The following GSE1 variants were observed in gnomAD, a reference collection of about 807,000 sequenced individuals.
GSE1 encodes the protein Gse1 coiled-coil protein.
A neutral mutation model predicts 112.6 loss-of-function variants in GSE1; 32 were observed. The ratio of observed to expected loss-of-function variants is 0.28; its 90% CI spans 0.21 to 0.38. The LOEUF (loss-of-function observed/expected upper bound fraction) is 0.38. Ranked by LOEUF, GSE1 falls within the 10% of genes least tolerant of loss-of-function variation. GSE1 has a pLI of 1.00. For synonymous variants in GSE1, 1,115 were observed against 735.6 expected, an observed-to-expected ratio of 1.52 and a Z score of -8.35; for missense variants, 2,348 against 1,699.2, an observed-to-expected ratio of 1.38 and a Z score of -6.71.
chr16:85,270,014 A>G (rs992113813), intron 1 of GSE1, among the ~76,000 whole-genome samples: 2 of 149,362 alleles, frequency 1.3e-5, no homozygotes, highest in Non-Finnish European at 3.0e-5. Flanking sequence ...CTGAGGCCAC[A>G]CTGTTGGTAG....
chr16:85,542,710 G>C (rs921130334), intron 2 of GSE1, among the ~76,000 whole-genome samples: 1 of 152,234 alleles, frequency 6.6e-6, no homozygotes, highest in Non-Finnish European at 1.5e-5. Context: ...TGGTCGTGAA[G>C]CCCGGGGGAC....
At chr16:85,541,428 G>A (rs1297458111) in intron 2 of GSE1, among the ~76,000 whole-genome samples, 1 of 152,252 alleles carries the variant, frequency 6.6e-6, no homozygotes, top group Admixed American at 6.5e-5. Flanking sequence ...AGGCCTCACT[G>A]TCCTGACCGT....
chr16:85,552,517 A>G (rs552310180), upstream of GSE1, among the ~76,000 whole-genome samples: 1 of 128,686 alleles, frequency 7.8e-6, no homozygotes, highest in African/African-American at 2.6e-5. Context: ...TGTTTTTAGT[A>G]GAGACAGAGT....
chr16:85,613,124 G>T (rs2048103340), upstream of GSE1: 27 of 1,078,870 alleles, frequency 2.5e-5, no homozygotes, highest in Admixed American at 4.2e-5. Context: ...CTGTGTGTTT[G>T]CGGCTGAAAC....
chr16:85,619,156 A>G (rs547421250), intron 1 of GSE1, among the ~76,000 whole-genome samples: 5 of 152,270 alleles, frequency 3.3e-5, no homozygotes, highest in South Asian at 4.1e-4. Context: ...AGGAGCCTCA[A>G]CGTCCCCTCG....
chr16:85,379,902 C>T (rs1238605727), intron 2 of GSE1, among the ~76,000 whole-genome samples: 2 of 152,222 alleles, frequency 1.3e-5, no homozygotes, highest in African/African-American at 2.4e-5. Context: ...CATTAGCTGG[C>T]CCCTTGGCCT....
At chr16:85,656,013 G>C in intron 6 of GSE1, 96 bp downstream of exon 6, 1 of 950,460 alleles carries the variant, frequency 1.1e-6, no homozygotes, top group Non-Finnish European at 1.6e-6. Flanking sequence ...TGGACTCCTT[G>C]GCCATGCCTG....
At chr16:85,628,025 G>C (rs1038709832) in intron 1 of GSE1, among the ~76,000 whole-genome samples, 4 of 152,162 alleles carry the variant, frequency 2.6e-5, no homozygotes, top group African/African-American at 9.7e-5. Flanking sequence ...TCCCCACCAG[G>C]CCTGGAGGGG....
chr16:85,582,747 C>G (rs1567613547), intron 1 of GSE1, among the ~76,000 whole-genome samples: 1 of 152,168 alleles, frequency 6.6e-6, no homozygotes. Context: ...CACAACCCCC[C>G]CTCGCCTCTT....
intron 1 of GSE1, among the ~76,000 whole-genome samples, chr16:85,309,593 G>A (rs7189397): frequency 0.62 from 94,410 of 151,920 alleles, 30,844 homozygotes; most frequent in East Asian, 0.83. Context: ...TAGCGTCCTC[G>A]AGGCACGTGG....
At chr16:85,309,949 A>G (rs2045790150) in intron 1 of GSE1, among the ~76,000 whole-genome samples, 1 of 152,220 alleles carries the variant, frequency 6.6e-6, no homozygotes. Flanking sequence ...CAAAAAAATA[A>G]AAAAGGAGAA....
In GSE1 at chr16:85,672,358, T is replaced by G; in HGVS notation, c.3520-47T>G. 2.0e-6 allele frequency: 3 copies of G among 1,499,844 alleles called. No homozygotes were observed. In the African/African-American group the frequency reaches 4.1e-5, roughly 21 times the overall value. 92.9% of individuals were successfully genotyped at this position (1,499,844 alleles called of 1,614,324 possible). ...ATGTTTGTACTCTACATGCTTGTCC[T>G]TACAGAGGAAACGGGTTGGTTTTGA... On this transcript the variant is annotated intron_variant, in intron 15 of 15. Coordinates refer to ENST00000253458, the MANE Select transcript of GSE1 (RefSeq NM_014615.5).
intron 1 of GSE1, among the ~76,000 whole-genome samples, chr16:85,190,843 G>A (rs55997257): frequency 6.6e-5 from 10 of 152,250 alleles, no homozygotes; most frequent in Admixed American, 2.0e-4. Flanking sequence ...GACTCACCAG[G>A]GTGGGGCTGA....
chr16:85,348,380 G>T (rs2046786770), intron 1 of GSE1, among the ~76,000 whole-genome samples: 1 of 152,090 alleles, frequency 6.6e-6, no homozygotes, highest in African/African-American at 2.4e-5. Flanking sequence ...TAAAGCTATG[G>T]GTGGGACTCT....
At position 85,520,420 on chromosome 16, in the gene GSE1, C is replaced by G. The variant is rs530950122; in HGVS notation, c.2465-113494C>G. 6.6e-5 allele frequency among the ~76,000 whole-genome samples: 10 copies of G among 151,604 alleles called. No homozygotes were observed. The East Asian group carries it at 1.9e-3, about 29-fold the overall frequency. On this transcript the variant is annotated intron_variant, in intron 2 of 2. Coordinates refer to the GSE1 transcript ENST00000637419. ...GGGTCTTGGAGGGATCTTTCCAGCC[C>G]TGCTCCTATTTTTTTTTTTTCTTTT...
intron 11 of GSE1, 61 bp downstream of exon 11, chr16:85,663,675 C>T: frequency 1.3e-6 from 2 of 1,527,334 alleles, no homozygotes; most frequent in South Asian, 1.2e-5. Flanking sequence ...GTTTCTGAAG[C>T]AGCAGGTGGG....
rs374823306 is a variant in GSE1 at position 85,661,739 on chromosome 16, G to A, written c.2234G>A (p.Arg745His). Residue 745 changes from arginine (R) to histidine (H), a missense_variant, in exon 9 of 16, where the codon CGC becomes CAC. Coordinates refer to ENST00000253458, the MANE Select transcript of GSE1 (RefSeq NM_014615.5). ...GTCAGCAAGCTGGACCTGGAGGAGC[G>A]CAGGCGGCGGGAGGCCCAGGAGAAA... is the stretch of plus-strand genomic sequence containing the variant. ...RLVSKLDLEE[R>H]RRREAQEKGY... is the part of the protein sequence containing the mutation. 24 of 1,554,840 alleles carry A rather than the reference G, an allele frequency of 1.5e-5. No homozygotes were observed. Among genetic ancestry groups the A allele is most frequent in the East Asian group, 2.3e-5 (1 of 42,640 alleles).
intron 1 of GSE1, among the ~76,000 whole-genome samples, chr16:85,175,063 TGTTCCCTATG>T (rs1222374753): frequency 8.8e-6 from 1 of 114,070 alleles, no homozygotes; most frequent in Non-Finnish European, 1.9e-5. Context: ...TGTTCCCTAT[TGTTCCCTATG>T]ATGTGTTCAT....
Position 85,648,725 on chromosome 16 carries a change from G to A in GSE1, c.400G>A (p.Gly134Ser). ...CATCGCTCCAACCAAAACCGTGAAT[G>A]GTGTCTGGAGGAGTGAGAGCCGGCA... is the stretch of plus-strand genomic sequence containing the variant. The part of the protein sequence containing the change: ...VTIAPTKTVN[G>S]VWRSESRQDA... Residue 134 changes from glycine to serine, a missense_variant, in exon 3 of 16, where the codon GGT (glycine) becomes AGT (serine). Coordinates refer to ENST00000253458, the MANE Select transcript of GSE1 (RefSeq NM_014615.5). The A allele has an allele frequency of 6.3e-7, 1 of 1,600,000 alleles. No homozygotes were observed. The highest frequency in any genetic ancestry group is 2.3e-5 in the East Asian group (1 of 43,426).
Sources: allele counts gnomAD v4.1 joint callset (sites outside exome capture counted in the v4.1 genomes callset), GRCh38; gene constraint gnomAD v4.1.1; transcripts MANE v1.5; gene names NCBI Gene and HGNC (gene_info 2026-07-23, HGNC 2026-07-21).